Variants in TDRD3 observed in about 807,000 individuals in gnomAD.
TDRD3 encodes tudor domain-containing protein 3.
Under a neutral mutation model 86.7 loss-of-function variants are expected in TDRD3, and 45 were observed. The observed-to-expected ratio is 0.52, with a 90% confidence interval of 0.41 to 0.67. The LOEUF (loss-of-function observed/expected upper bound fraction) is 0.67, where lower values mean the gene tolerates loss of function less well. Among genes scored for constraint, TDRD3 ranks in the 30% least tolerant of loss-of-function variants. The pLI, the probability that TDRD3 is intolerant of heterozygous loss-of-function variation, is 0.00. For synonymous variants in TDRD3, 298 were observed against 301.7 expected (o/e 0.99, Z 0.13); for missense variants, 814 against 889.0 (o/e 0.92, Z 1.07).
chr13:60,430,561 T>C (rs1314358988), intron 1 of TDRD3, among the ~76,000 whole-genome samples: 1 of 152,110 alleles, frequency 6.6e-6, no homozygotes, highest in Non-Finnish European at 1.5e-5. Flanking sequence ...ATAACCCCAA[T>C]GAAAGTAAAA....
At chr13:60,429,316 G>A (rs1033258019) in intron 1 of TDRD3, among the ~76,000 whole-genome samples, 1 of 151,994 alleles carries the variant, frequency 6.6e-6, no homozygotes, top group African/African-American at 2.4e-5. Context: ...GAAACAAATA[G>A]GTATTTGTCT....
chr13:60,571,758 C>T (rs1958590674), intron 13 of TDRD3, among the ~76,000 whole-genome samples: 1 of 152,038 alleles, frequency 6.6e-6, no homozygotes, highest in African/African-American at 2.4e-5. Context: ...CATATACTTC[C>T]TCATTGTGGT....
intron 7 of TDRD3, among the ~76,000 whole-genome samples, chr13:60,493,282 A>C (rs1956638164): frequency 6.6e-6 from 1 of 152,130 alleles, no homozygotes; most frequent in Non-Finnish European, 1.5e-5. Context: ...CCTTACTGTA[A>C]TCATTTTAAA....
At chr13:60,471,147 T>A (rs908799431) in intron 5 of TDRD3, among the ~76,000 whole-genome samples, 3 of 152,234 alleles carry the variant, frequency 2.0e-5, no homozygotes, top group African/African-American at 7.2e-5. Context: ...TGTCTTTTGA[T>A]GCACAGAATT....
intron 8 of TDRD3, among the ~76,000 whole-genome samples, chr13:60,499,331 T>C (rs1838263423): frequency 6.6e-6 from 1 of 152,230 alleles, no homozygotes; most frequent in African/African-American, 2.4e-5. Context: ...GTTTCATTGC[T>C]TGAGCAAATT....
At chr13:60,440,004 CT>C (rs908467746) in intron 2 of TDRD3, among the ~76,000 whole-genome samples, 2 of 152,090 alleles carry the variant, frequency 1.3e-5, no homozygotes, top group Non-Finnish European at 2.9e-5. Flanking sequence ...ATTAACATCC[CT>C]TTTTTTCACC....
At chr13:60,404,501 G>A (rs1427432035) in intron 1 of TDRD3, among the ~76,000 whole-genome samples, 2 of 151,476 alleles carry the variant, frequency 1.3e-5, no homozygotes, top group African/African-American at 2.4e-5. Context: ...TAGTAGAGAC[G>A]GGGTTTCACC....
At chr13:60,495,620 C>A (rs985990744) in intron 8 of TDRD3, among the ~76,000 whole-genome samples, 3 of 152,074 alleles carry the variant, frequency 2.0e-5, no homozygotes, top group African/African-American at 7.2e-5. Context: ...CCTGCCACCA[C>A]ACCCAGCTAA....
Position 60,555,004 on chromosome 13 carries a change from A to G in TDRD3, c.2119-12521A>G, listed in dbSNP as rs139746857. Among the ~76,000 whole-genome samples the G allele has an allele frequency of 1.9e-3, 295 of 152,236 alleles. 1 individual carries two copies. Among genetic ancestry groups the G allele is most frequent in the Middle Eastern group, 3.4e-3 (1 of 294 alleles). On this transcript the variant is annotated intron_variant, in intron 12 of 13. Coordinates refer to ENST00000377881, the MANE Select transcript of TDRD3 (RefSeq NM_001146070.2). ...TGAATCAGATGATACATGTCATTCA[A>G]TTTTCCTTTATCTAAGTTGACAGAA...
chr13:60,462,451 G>A (rs973955115), intron 4 of TDRD3, among the ~76,000 whole-genome samples: 6 of 152,128 alleles, frequency 3.9e-5, no homozygotes, highest in Admixed American at 1.3e-4. Flanking sequence ...TTTTGGTGCC[G>A]TAAAAATGGC....
intron 12 of TDRD3, chr13:60,538,163 T>C (rs1252728317): frequency 1.3e-5 from 2 of 152,082 alleles, no homozygotes; most frequent in South Asian, 2.1e-4. Context: ...CAAATATTTA[T>C]TTCTCCTTTT....
At position 60,467,205 on chromosome 13, in the gene TDRD3, AAT is replaced by A. The variant is rs769507418; in HGVS notation, c.354-30_354-29del. ...CCTGTGTCCATGTGTTCTCAGCTTC[AAT>A]ATGTTTTTAACACTTTTCTCTTTGC... On this transcript the variant is annotated intron_variant, in intron 4 of 13. Coordinates refer to ENST00000377881, the MANE Select transcript of TDRD3 (RefSeq NM_001146070.2). 6 of 1,610,228 alleles carry A rather than the reference AAT, an allele frequency of 3.7e-6. No homozygotes were observed. In the Admixed American group the frequency reaches 5.1e-5, roughly 14 times the overall value.
At chr13:60,549,819 G>A (rs1958008362) in intron 12 of TDRD3, among the ~76,000 whole-genome samples, 1 of 151,980 alleles carries the variant, frequency 6.6e-6, no homozygotes, top group African/African-American at 2.4e-5. Context: ...ACTTTTGAAT[G>A]AGAAAAAATT....
At chr13:60,468,949 C>T (rs149865658) in intron 5 of TDRD3, among the ~76,000 whole-genome samples, 1 of 152,228 alleles carries the variant, frequency 6.6e-6, no homozygotes, top group East Asian at 1.9e-4. Flanking sequence ...AGCAATATTT[C>T]AAGCTTTTGG....
chr13:60,522,894 T>G (rs1454882322), intron 10 of TDRD3, among the ~76,000 whole-genome samples: 1 of 152,198 alleles, frequency 6.6e-6, no homozygotes, highest in Non-Finnish European at 1.5e-5. Context: ...TTTTTTCCTC[T>G]GGGTGGGCAG....
chr13:60,460,798 A>AGCTT, intron 4 of TDRD3: 5 of 237,644 alleles, frequency 2.1e-5, no homozygotes, highest in South Asian at 7.7e-5. Flanking sequence ...CAAGGTCAGG[A>AGCTT]GTTCAAGACC....
At chr13:60,437,471 G>C (rs1418092153) in intron 1 of TDRD3, among the ~76,000 whole-genome samples, 1 of 151,780 alleles carries the variant, frequency 6.6e-6, no homozygotes, top group Admixed American at 6.6e-5. Flanking sequence ...TGGGAGTTAG[G>C]AGTCATTTTT....
At chr13:60,436,108 G>GT (rs199775571) in intron 1 of TDRD3, among the ~76,000 whole-genome samples, 244 of 137,700 alleles carry the variant, frequency 1.8e-3, no homozygotes, top group Middle Eastern at 7.5e-3. Flanking sequence ...TGGATGGGTT[G>GT]TTTTTTTTTT....
At chr13:60,444,318 C>T (rs1955349274) in intron 2 of TDRD3, among the ~76,000 whole-genome samples, 1 of 150,308 alleles carries the variant, frequency 6.7e-6, no homozygotes, top group Non-Finnish European at 1.5e-5. Context: ...AAAAAACATA[C>T]TATGTATATG....
Sources: gnomAD v4.1 joint callset for allele counts (sites outside exome capture counted in the v4.1 genomes callset) on GRCh38, gnomAD v4.1.1 for gene constraint, MANE v1.5 for transcripts, NCBI Gene and HGNC (gene_info 2026-07-23, HGNC 2026-07-21) for gene names.